Variants in TMEM67 observed in about 807,000 individuals in gnomAD.
TMEM67 encodes the protein transmembrane protein 67.
TMEM67 carries 124 observed loss-of-function variants against 136.6 expected under a neutral mutation model. The ratio of observed to expected loss-of-function variants is 0.91; its 90% CI spans 0.78 to 1.05. The LOEUF (loss-of-function observed/expected upper bound fraction) is 1.05. TMEM67 is among the 50% of genes least tolerant of loss of function. The pLI is 0.00. For missense variants in TMEM67, 1,107 were observed against 1,178.4 expected, an observed-to-expected ratio of 0.94 and a Z score of 0.89; for synonymous variants, 364 against 390.5, an observed-to-expected ratio of 0.93 and a Z score of 0.80.
At chr8:93,805,580 C>CAAA (rs370408912) in intron 23 of TMEM67, among the ~76,000 whole-genome samples, 2 of 58,776 alleles carry the variant, frequency 3.4e-5, no homozygotes, top group Non-Finnish European at 3.9e-5. Flanking sequence ...GACTCCGTCT[C>CAAA]AAAAAAAAAA....
chr8:93,801,441 G>A (rs1814866841), intron 21 of TMEM67, among the ~76,000 whole-genome samples: 1 of 144,296 alleles, frequency 6.9e-6, no homozygotes, highest in Admixed American at 7.0e-5. Context: ...CACTCTTGTT[G>A]CCCAGGCTGT....
chr8:93,774,654 C>T (rs1183259691), intron 7 of TMEM67, among the ~76,000 whole-genome samples: 10 of 152,110 alleles, frequency 6.6e-5, no homozygotes, highest in Non-Finnish European at 1.5e-4. Context: ...TGATGGTTTC[C>T]AGCTTCATCC....
intron 23 of TMEM67, among the ~76,000 whole-genome samples, 156 bp downstream of exon 23, chr8:93,805,034 G>A (rs1229687401): frequency 4.0e-5 from 6 of 151,860 alleles, no homozygotes; most frequent in Non-Finnish European, 5.9e-5. Context: ...GTGCAGTGGC[G>A]CAATCTCGGC....
At position 93,804,866 on chromosome 8, in the gene TMEM67, TAAAAG is replaced by T; in HGVS notation, c.2429_2433del (p.Lys810ArgfsTer7). 3 of 1,560,304 alleles carry T rather than the reference TAAAAG, an allele frequency of 1.9e-6. No homozygotes were observed. The highest frequency in any genetic ancestry group is 1.4e-5 in the African/African-American group (1 of 74,018). On this transcript the variant is annotated frameshift_variant, in exon 23 of 28. Coordinates refer to ENST00000453321, the MANE Select transcript of TMEM67 (RefSeq NM_153704.6). LOFTEE classifies it high-confidence loss of function. ...ATATGGAAGAAATGAATATGAACCT[TAAAAG>T]AGAAGCGGTATGAAAATGTTTTACA...
rs760081981 is a variant in TMEM67, at chr8:93,815,447, G to C, written c.2907G>C (p.Glu969Asp). The change falls in exon 27 of 28, where the codon GAG becomes GAC. Residue 969 changes from glutamate (E) to aspartate (D), a missense_variant and splice_region_variant. Transcript: ENST00000453321. ...LASFLTYLQQ[E>D]IFRYIRNTVG... The stretch of plus-strand genomic sequence containing the variant: ...CCTTCCTTACATATCTACAACAAGA[G>C]GTAAACTTTTAAAATTTTTCTACAT... 1 of 1,611,240 alleles carries C rather than the reference G, an allele frequency of 6.2e-7. No homozygotes were observed. The highest frequency in any genetic ancestry group is 1.7e-5 in the Admixed American group (1 of 59,778).
chr8:93,806,045 A>G (rs533880427), intron 23 of TMEM67, among the ~76,000 whole-genome samples: 2 of 152,348 alleles, frequency 1.3e-5, no homozygotes, highest in South Asian at 4.1e-4. Context: ...AGGAAATACA[A>G]GCGATAAAGG....
In TMEM67 at chr8:93,804,773, T is replaced by G; in HGVS notation, c.2334T>G (p.Phe778Leu). The G allele has an allele frequency of 2.5e-6, 4 of 1,576,902 alleles. No individual in the cohort carries two copies. The highest frequency in any genetic ancestry group is 3.5e-6 in the Non-Finnish European group (4 of 1,146,642). The change falls in exon 23 of 28, where the codon TTT (phenylalanine) becomes TTG (leucine). Residue 778 changes from phenylalanine to leucine, a missense_variant. Phe to Leu is a conservative substitution (Grantham distance 22). Around this residue, in one of 3 missense-constraint regions of TMEM67, gnomAD observed 925 missense variants for 1,002.4 expected, o/e 0.92. Coordinates refer to ENST00000453321, the MANE Select transcript of TMEM67 (RefSeq NM_153704.6). ...DLCSMSNISV[F>L]LLSHKCFGYY... is the part of the protein sequence containing the mutation. ...TTCTCTTTTTATAGATATCAGTGTT[T>G]CTGTTATCCCACAAATGTTTTGGAT...
intron 17 of TMEM67, 27 bp downstream of exon 17, chr8:93,795,534 ACTG>A (rs1814573951): frequency 1.3e-6 from 2 of 1,534,254 alleles, no homozygotes; most frequent in African/African-American, 2.7e-5. Flanking sequence ...ATTTTCCCCA[ACTG>A]CCAATATCTG....
chr8:93,806,743 A>T (rs1815166295), intron 23 of TMEM67, among the ~76,000 whole-genome samples: 1 of 152,130 alleles, frequency 6.6e-6, no homozygotes, highest in Admixed American at 6.5e-5. Flanking sequence ...TTACCTTGTG[A>T]TTAAAAAGTT....
At chr8:93,818,858 A>G (rs1808992825), downstream of TMEM67, 3 of 311,578 alleles carry the variant, frequency 9.6e-6, no homozygotes, top group South Asian at 5.6e-5. Flanking sequence ...GTTGGAATGC[A>G]GTGGCACGAT....
rs748441313 is a variant in TMEM67 at position 93,787,848 on chromosome 8, C to T, written c.1417C>T (p.His473Tyr). ...AATGCATTTTCTTTTAAATAGTGTC[C>T]ACCTTGTACCCAACACAATAAATGG... ...RVATQISLSV[H>Y]LVPNTINGNI... The change falls in exon 14 of 28, where the codon CAC becomes TAC. Residue 473 changes from histidine (H) to tyrosine (Y), a missense_variant. His to Tyr is a moderately conservative substitution (Grantham distance 83). Transcript: ENST00000453321. 2 of 1,611,356 alleles carry T rather than the reference C, an allele frequency of 1.2e-6. No individual in the cohort carries two copies. Among genetic ancestry groups the T allele is most frequent in the Non-Finnish European group, 1.7e-6 (2 of 1,177,680 alleles).
the TMEM67 span, among the ~76,000 whole-genome samples, chr8:93,824,608 A>G: frequency 1.3e-5 from 2 of 152,218 alleles, no homozygotes; most frequent in Non-Finnish European, 2.9e-5. Flanking sequence ...GCTAAGAGCA[A>G]AGACTTTGAA....
chr8:93,818,150 A>C (rs1808974585), downstream of TMEM67: 1 of 152,206 alleles, frequency 6.6e-6, no homozygotes, highest in Admixed American at 6.6e-5. Flanking sequence ...TCACATTGTC[A>C]CAATTTACAT....
intron 12 of TMEM67, chr8:93,785,935 T>C: frequency 2.6e-6 from 1 of 381,784 alleles, no homozygotes; most frequent in South Asian, 2.5e-5. Context: ...CTTGGTGTGA[T>C]GGTGCACCCT....
At chr8:93,789,658 A>G (rs1363521905) in intron 14 of TMEM67, among the ~76,000 whole-genome samples, 1 of 33,918 alleles carries the variant, frequency 2.9e-5, no homozygotes, top group Admixed American at 3.9e-4. Flanking sequence ...AAAAATATAT[A>G]TATATATATA....
At chr8:93,798,026 A>G (rs1814698461) in intron 20 of TMEM67, among the ~76,000 whole-genome samples, 2 of 152,216 alleles carry the variant, frequency 1.3e-5, no homozygotes, top group African/African-American at 2.4e-5. Context: ...GTACATTCAC[A>G]TTGCCACGCA....
downstream of TMEM67, among the ~76,000 whole-genome samples, chr8:93,821,848 C>A (rs1437488363): frequency 6.6e-6 from 1 of 152,174 alleles, no homozygotes; most frequent in Non-Finnish European, 1.5e-5. Flanking sequence ...ACCAAGATCA[C>A]ACCATTGAAC....
At chr8:93,803,156 G>A (rs900274423) in intron 21 of TMEM67, among the ~76,000 whole-genome samples, 4 of 151,968 alleles carry the variant, frequency 2.6e-5, no homozygotes, top group African/African-American at 9.7e-5. Context: ...TTAATACTTT[G>A]TAGTCAGAAT....
chr8:93,829,517 C>T, the TMEM67 span, among the ~76,000 whole-genome samples: 2 of 152,176 alleles, frequency 1.3e-5, no homozygotes, highest in Admixed American at 6.5e-5. Context: ...CTAAGCATGG[C>T]CATATCCCTC....
Sources: allele counts gnomAD v4.1 joint callset (sites outside exome capture counted in the v4.1 genomes callset), GRCh38; gene constraint gnomAD v4.1.1; regional missense constraint gnomAD v4.1.1; transcripts MANE v1.5; gene names NCBI Gene and HGNC (gene_info 2026-07-23, HGNC 2026-07-21).